The following ENKUR variants were observed in gnomAD, a reference collection of about 807,000 sequenced individuals.
ENKUR encodes the protein enkurin, TRPC channel interacting protein, also known as enkurin.
In ENKUR, 19 loss-of-function variants were observed where a neutral mutation model predicts 27.6. The observed-to-expected ratio is 0.69, with a 90% CI of 0.48 to 1.01. The LOEUF (loss-of-function observed/expected upper bound fraction) is 1.01. ENKUR is among the 50% of genes least tolerant of loss of function. The pLI is 0.00. For synonymous variants in ENKUR, 117 were observed against 96.9 expected, an observed-to-expected ratio of 1.21 and a Z score of -1.22; for missense variants, 312 against 310.5, an observed-to-expected ratio of 1.00 and a Z score of -0.04.
chr10:25,056,775 G>C (rs967571532), intron 2 of ENKUR, among the ~76,000 whole-genome samples: 1 of 152,154 alleles, frequency 6.6e-6, no homozygotes, highest in Non-Finnish European at 1.5e-5. Flanking sequence ...CATATCATTG[G>C]GGTGTCAATA....
intron 1 of ENKUR, among the ~76,000 whole-genome samples, chr10:25,004,133 T>A (rs946457188): frequency 2.0e-5 from 3 of 152,224 alleles, no homozygotes; most frequent in Non-Finnish European, 4.4e-5. Flanking sequence ...CTGAATAGTA[T>A]CCCATGGTGT....
intron 2 of ENKUR, among the ~76,000 whole-genome samples, chr10:25,052,060 A>G (rs761556933): frequency 1.3e-5 from 2 of 152,246 alleles, no homozygotes; most frequent in Non-Finnish European, 2.9e-5. Flanking sequence ...AGAATAGAGC[A>G]GAAAGTCCAT....
chr10:24,985,678 G>A (rs893475939), intron 4 of ENKUR, among the ~76,000 whole-genome samples: 1 of 152,152 alleles, frequency 6.6e-6, no homozygotes, highest in Non-Finnish European at 1.5e-5. Context: ...TTATCACAGT[G>A]CCCTATGGGC....
At chr10:25,043,829 A>G (rs1366632705) in intron 2 of ENKUR, among the ~76,000 whole-genome samples, 1 of 150,546 alleles carries the variant, frequency 6.6e-6, no homozygotes, top group Non-Finnish European at 1.5e-5. Flanking sequence ...ACTAGTCTTT[A>G]GTTAACTGAT....
intron 4 of ENKUR, among the ~76,000 whole-genome samples, chr10:24,987,881 C>A (rs1032705221): frequency 6.6e-6 from 1 of 152,044 alleles, no homozygotes; most frequent in Non-Finnish European, 1.5e-5. Context: ...CTGGAACACA[C>A]TAGATATTCA....
intron 2 of ENKUR, among the ~76,000 whole-genome samples, chr10:25,057,574 G>A (rs981778130): frequency 6.6e-6 from 1 of 152,040 alleles, no homozygotes; most frequent in African/African-American, 2.4e-5. Context: ...AGACTCCTAG[G>A]TTCTGGAAAA....
chr10:25,036,799 T>C (rs959471685), intron 2 of ENKUR, among the ~76,000 whole-genome samples: 3 of 152,220 alleles, frequency 2.0e-5, no homozygotes, highest in African/African-American at 4.8e-5. Flanking sequence ...AGAGTATTGA[T>C]CTGCAACATT....
intron 2 of ENKUR, among the ~76,000 whole-genome samples, chr10:25,032,866 G>A (rs1214199141): frequency 3.3e-5 from 5 of 152,138 alleles, no homozygotes; most frequent in Non-Finnish European, 7.3e-5. Flanking sequence ...CCTGGGAATC[G>A]TTTCTGGTGC....
At chr10:24,989,664 T>C (rs1318908963) in intron 4 of ENKUR, among the ~76,000 whole-genome samples, 2 of 152,254 alleles carry the variant, frequency 1.3e-5, no homozygotes, top group African/African-American at 4.8e-5. Flanking sequence ...ATGATTATGA[T>C]GACATTGATA....
intron 2 of ENKUR, among the ~76,000 whole-genome samples, chr10:25,057,423 AC>A (rs1564359453): frequency 0.02 from 2,928 of 144,752 alleles, 109 homozygotes; most frequent in African/African-American, 0.067. Flanking sequence ...ACACACACAC[AC>A]ACACAATGCC....
chr10:25,000,160 T>C lies in ENKUR; in HGVS notation c.78-614A>G, dbSNP rs115590382. 2.1e-3 allele frequency among the ~76,000 whole-genome samples: 318 copies of C among 152,312 alleles called. 1 individual carries two copies. Among genetic ancestry groups the C allele is most frequent in the African/African-American group, 6.9e-3 (286 of 41,584 alleles). On this transcript the variant is annotated intron_variant, in intron 1 of 5. Transcript: ENST00000331161. ...TTCCAGATATCTAATTGATTTCAGA[T>C]ATATTTCTATTGTGGTTAGAGAATA...
chr10:25,045,642 TAATA>T (rs1424198524), intron 2 of ENKUR, among the ~76,000 whole-genome samples: 3 of 152,182 alleles, frequency 2.0e-5, no homozygotes, highest in African/African-American at 7.2e-5. Context: ...CATTGTTGAC[TAATA>T]AATAAGAGAC....
intron 2 of ENKUR, among the ~76,000 whole-genome samples, chr10:25,033,957 G>A (rs1402305847): frequency 1.3e-5 from 2 of 151,942 alleles, no homozygotes; most frequent in African/African-American, 4.8e-5. Context: ...ATGAGCAAGT[G>A]TTCAGTTAAA....
chr10:25,053,093 A>AT lies in ENKUR; in HGVS notation c.37+8018_37+8019insA, dbSNP rs1554774417. ...TTGTCTCTTTAAAAAAAAAAAAAAAAGGACTGGAGGAAATAAAATGGGAGG... is the reference window on the plus strand; with the variant it reads ...TTGTCTCTTTAAAAAAAAAAAAAAAATGGACTGGAGGAAATAAAATGGGAGG... On this transcript the variant is annotated intron_variant, in intron 2 of 5. Transcript: ENST00000615958. Among the ~76,000 whole-genome samples the AT allele has an allele frequency of 1.7e-3, 253 of 149,516 alleles. 4 individuals carry two copies. Among genetic ancestry groups the AT allele is most frequent in the African/African-American group, 5.9e-3 (245 of 41,266 alleles).
chr10:25,022,095 A>G (rs1002787302), intron 2 of ENKUR, among the ~76,000 whole-genome samples: 45 of 152,156 alleles, frequency 3.0e-4, no homozygotes, highest in African/African-American at 9.2e-4. Flanking sequence ...AAGCCCCACT[A>G]TGTGTCTGTG....
At position 24,987,499 on chromosome 10, in the gene ENKUR, A is replaced by T. The variant is rs538280681; in HGVS notation, c.595-2594T>A. On this transcript the variant is annotated intron_variant, in intron 4 of 5. Transcript: ENST00000331161. ...AAATAAAAAAATGAAATAAAAAAAA[A>T]TCAGCCAGGCATGGTGGTATCCCAG... Among the ~76,000 whole-genome samples, 438 of 152,212 alleles carry T rather than the reference A, an allele frequency of 2.9e-3. 2 individuals carry two copies. The highest frequency in any genetic ancestry group is 9.7e-3 in the African/African-American group (405 of 41,554).
chr10:24,995,758 T>A lies in ENKUR; in HGVS notation c.335A>T (p.Asp112Val). The part of the protein sequence containing the change: ...GKNFINTNAA[D>V]IIMGVAKKPK... ...CTTTTTAGCCACTCCCATGATGATA[T>A]CAGCTGCATTTGTATTTATAAAATT... The change falls in exon 3 of 6, where the codon GAT (aspartate) becomes GTT (valine). Residue 112 changes from aspartate (D) to valine (V), a missense_variant. By Grantham distance (152) the Asp-to-Val change is radical. Transcript: ENST00000331161. 2 of 1,614,058 alleles carry A rather than the reference T, an allele frequency of 1.2e-6. No homozygotes were observed. Among genetic ancestry groups the A allele is most frequent in the South Asian group, 2.2e-5 (2 of 91,060 alleles).
At chr10:25,023,260 A>G in intron 2 of ENKUR, 5 of 1,613,648 alleles carry the variant, frequency 3.1e-6, no homozygotes, top group Non-Finnish European at 4.2e-6. Context: ...TCTGAAAAAG[A>G]TAACACAGAA....
intron 4 of ENKUR, among the ~76,000 whole-genome samples, chr10:24,987,376 C>T (rs1362595303): frequency 1.3e-5 from 2 of 152,112 alleles, no homozygotes; most frequent in Non-Finnish European, 2.9e-5. Context: ...ACTGCTCATG[C>T]CTGCAATCCC....
Sources: gnomAD v4.1 joint callset for allele counts (sites outside exome capture counted in the v4.1 genomes callset) on GRCh38, gnomAD v4.1.1 for gene constraint, MANE v1.5 for transcripts, NCBI Gene and HGNC (gene_info 2026-07-23, HGNC 2026-07-21) for gene names.